SLC37A1: variants seen among roughly 807,000 people sequenced by gnomAD.
SLC37A1 encodes glucose-6-phosphate exchanger SLC37A1.
SLC37A1 carries 49 observed loss-of-function variants against 75.3 expected under a neutral mutation model. The ratio of observed to expected loss-of-function variants is 0.65; its 90% CI spans 0.52 to 0.83. SLC37A1 has a LOEUF of 0.83. Ranked by LOEUF, SLC37A1 falls within the 40% of genes least tolerant of loss-of-function variation. SLC37A1 has a pLI of 0.00. For synonymous variants in SLC37A1, 268 were observed against 292.1 expected (o/e 0.92, Z 0.84); for missense variants, 566 against 695.0 (o/e 0.81, Z 2.09).
In SLC37A1 at chr21:42,552,809, G is replaced by A. The variant is rs572384221; in HGVS notation, c.769-1253G>A. 2.0e-5 allele frequency among the ~76,000 whole-genome samples: 3 copies of A among 152,300 alleles called. No homozygotes were observed. Among genetic ancestry groups the A allele is most frequent in the Admixed American group, 2.0e-4 (3 of 15,298 alleles). ...CTGAAAAGCAGGAAGAAGAGGGCCC[G>A]GGTGATGCTGGCAGCCTCTGCTCAC... On this transcript the variant is annotated intron_variant, in intron 9 of 19. Transcript: ENST00000352133. The surrounding 1 kb of genome is among the most constrained non-coding windows in gnomAD (Gnocchi z 4.2).
chr21:42,571,552 G>C (rs1259867461), intron 17 of SLC37A1, among the ~76,000 whole-genome samples: 1 of 151,990 alleles, frequency 6.6e-6, no homozygotes, highest in Non-Finnish European at 1.5e-5. Flanking sequence ...TCTTTCTAGA[G>C]GCAGCCAATT....
chr21:42,568,635 G>A lies in SLC37A1; in HGVS notation c.1423+197G>A, dbSNP rs537129688. Reference sequence around the variant, plus strand: ...CATGCCTGGGTGGCTTCAGAGAGACGGGCGTGTGACTAGCTGTGCGTGTCC... The same window carrying A: ...CATGCCTGGGTGGCTTCAGAGAGACAGGCGTGTGACTAGCTGTGCGTGTCC... On this transcript the variant is annotated intron_variant, in intron 17 of 19. Coordinates refer to ENST00000352133, the MANE Select transcript of SLC37A1 (RefSeq NM_001320537.2). Among the ~76,000 whole-genome samples, 173 of 152,266 alleles carry A rather than the reference G, an allele frequency of 1.1e-3. 1 individual carries two copies. The highest frequency in any genetic ancestry group is 2.0e-3 in the Non-Finnish European group (134 of 68,010).
intron 6 of SLC37A1, among the ~76,000 whole-genome samples, chr21:42,541,481 C>G (rs2055281265): frequency 6.6e-6 from 1 of 152,178 alleles, no homozygotes; most frequent in Admixed American, 6.5e-5. Flanking sequence ...TAGAGCCACC[C>G]CCGAGTCTCA....
At chr21:42,541,413 G>T (rs1025382878) in intron 6 of SLC37A1, among the ~76,000 whole-genome samples, 6 of 152,112 alleles carry the variant, frequency 3.9e-5, no homozygotes, top group Non-Finnish European at 5.9e-5. Flanking sequence ...TAGAGAGCTG[G>T]CTTACTGCAG....
At position 42,543,516 on chromosome 21, in the gene SLC37A1, T is replaced by C. The variant is rs1441505555; in HGVS notation, c.644T>C (p.Val215Ala). 1 of 1,614,158 alleles carries C rather than the reference T, an allele frequency of 6.2e-7. No individual in the cohort carries two copies. Among genetic ancestry groups the C allele is most frequent in the Admixed American group, 1.7e-5 (1 of 60,022 alleles). The change falls in exon 8 of 20, where the codon GTG becomes GCG. Residue 215 changes from valine to alanine, a missense_variant. Transcript: ENST00000352133. Reference protein sequence around the residue: ...ILGSLIAGYWVSTCWGLSFVV... With the variant: ...ILGSLIAGYWASTCWGLSFVV... ...GGGTCATTGATCGCTGGCTACTGGG[T>C]GTCCACATGCTGGGGCCTGTCCTTC...
chr21:42,557,949 T>G lies in SLC37A1; in HGVS notation c.850-1009T>G, dbSNP rs2055733507. On this transcript the variant is annotated intron_variant, in intron 10 of 19. Transcript: ENST00000352133. ...GCTCACTCATGAAGAATATTTTTAT[T>G]TTATTTTCATTCTTTTTTGAGACAG... is the stretch of plus-strand genomic sequence containing the variant. Among the ~76,000 whole-genome samples, 3 of 152,194 alleles carry G rather than the reference T, an allele frequency of 2.0e-5. No individual in the cohort carries two copies. The South Asian group carries it at 6.2e-4, about 31-fold the overall frequency.
chr21:42,509,622 C>T (rs142301831), upstream of SLC37A1: 77 of 152,228 alleles, frequency 5.1e-4, no homozygotes, highest in Middle Eastern at 3.4e-3. This position sits in a 1 kb window ranked among gnomAD's most constrained non-coding sequence, Gnocchi z 4.2. Flanking sequence ...ATCCGTAGGC[C>T]GAGCACAATG....
chr21:42,580,688 G>A lies in SLC37A1; in HGVS notation c.*328G>A, dbSNP rs1473224180. 3 of 390,174 alleles carry A rather than the reference G, an allele frequency of 7.7e-6. No homozygotes were observed. Among genetic ancestry groups the A allele is most frequent in the Admixed American group, 4.3e-5 (1 of 23,402 alleles). The allele number at this position is 390,174 out of a possible 1,614,324, so 24.2% of individuals were successfully genotyped here. A position where few individuals can be genotyped will look rare whatever the true frequency, so the allele number is the denominator to read the frequency against. The stretch of plus-strand genomic sequence containing the variant: ...GACAACAAGGCCGGGAGGGTGGGGG[G>A]GGTGCACAGGTAGCCCCGACCCTCT... On this transcript the variant is annotated 3_prime_UTR_variant, in exon 20 of 20. Coordinates refer to ENST00000352133, the MANE Select transcript of SLC37A1 (RefSeq NM_001320537.2).
At chr21:42,502,324 T>C (rs1197561559) in exon 2 of SLC37A1, 1 of 152,194 alleles carries the variant, frequency 6.6e-6, no homozygotes, top group Non-Finnish European at 1.5e-5. Flanking sequence ...TTGCTGAGCC[T>C]AAATACATGT....
At chr21:42,551,667 T>A (rs1302346552) in intron 9 of SLC37A1, among the ~76,000 whole-genome samples, 1 of 152,224 alleles carries the variant, frequency 6.6e-6, no homozygotes, top group Non-Finnish European at 1.5e-5. Context: ...AGCTACTCAA[T>A]GGTCAGATCT....
At chr21:42,551,028 C>T (rs1195089948) in intron 9 of SLC37A1, among the ~76,000 whole-genome samples, 6 of 152,220 alleles carry the variant, frequency 3.9e-5, no homozygotes, top group Non-Finnish European at 8.8e-5. Context: ...AGGAGGCCTG[C>T]TCTTGCCGTT....
At chr21:42,558,917 G>A (rs373174328) in intron 10 of SLC37A1, 41 bp from the exon 11 acceptor site, 234 of 1,612,454 alleles carry the variant, frequency 1.5e-4, no homozygotes, top group Non-Finnish European at 1.9e-4. Context: ...TGCCCGGCTG[G>A]TAACACCTTT....
At chr21:42,549,020 A>G (rs1353691379) in intron 9 of SLC37A1, among the ~76,000 whole-genome samples, 1 of 152,264 alleles carries the variant, frequency 6.6e-6, no homozygotes, top group Non-Finnish European at 1.5e-5. Flanking sequence ...CAAACACCAT[A>G]TGATGTTCTT....
intron 7 of SLC37A1, 34 bp downstream of exon 7, chr21:42,542,514 T>G (rs1395855472): frequency 6.2e-7 from 1 of 1,603,750 alleles, no homozygotes; most frequent in Admixed American, 1.7e-5. Context: ...CAATAGCAGA[T>G]GAAAACTAGA....
At chr21:42,558,169 G>A (rs1007590523) in intron 10 of SLC37A1, among the ~76,000 whole-genome samples, 5 of 152,120 alleles carry the variant, frequency 3.3e-5, no homozygotes, top group Non-Finnish European at 5.9e-5. Flanking sequence ...TCCTTGCTCT[G>A]ACTTGAAATC....
intron 2 of SLC37A1, among the ~76,000 whole-genome samples, chr21:42,524,162 T>G (rs895851442): frequency 6.6e-6 from 1 of 152,144 alleles, no homozygotes; most frequent in African/African-American, 2.4e-5. Flanking sequence ...TGGCGCCATT[T>G]GAAGTCTCTT....
In SLC37A1 at chr21:42,554,118, G is replaced by A; in HGVS notation, c.825G>A (p.Leu275=). 6.2e-7 allele frequency: 1 copy of A among 1,613,654 alleles called. No individual in the cohort carries two copies. Among genetic ancestry groups the A allele is most frequent in the Middle Eastern group, 1.7e-4 (1 of 6,058 alleles). ...GATTGAGACTCCAGAAGCAAATCTT[G>A]AAGAGCGAAAAGAACAAGCCTCTGG... ...TNRLRLQKQI[L]KSEKNKPLDP... The change falls in exon 10 of 20, where the codon TTG becomes TTA. Residue 275 remains leucine, a synonymous_variant. Coordinates refer to ENST00000352133, the MANE Select transcript of SLC37A1 (RefSeq NM_001320537.2).
At chr21:42,573,305 C>T (rs915706854) in intron 17 of SLC37A1, among the ~76,000 whole-genome samples, 6 of 149,538 alleles carry the variant, frequency 4.0e-5, no homozygotes, top group Non-Finnish European at 8.9e-5. Flanking sequence ...TTGCTGACCC[C>T]CTTCCGTTCC....
At position 42,530,650 on chromosome 21, in the gene SLC37A1, A is replaced by AC. The variant is rs1460499515; in HGVS notation, c.139-4047dup. ...CACACACACACACACACACACACACACACACCCCCTCTGTGTTGGCTGAAG... is the reference window on the plus strand; with the variant it reads ...CACACACACACACACACACACACACACCACACCCCCTCTGTGTTGGCTGAAG... On this transcript the variant is annotated intron_variant, in intron 3 of 19. Transcript: ENST00000352133. Among the ~76,000 whole-genome samples, 116 of 25,604 alleles carry AC rather than the reference A, an allele frequency of 4.5e-3. 5 individuals carry two copies. The highest frequency in any genetic ancestry group is 8.0e-3 in the Non-Finnish European group (96 of 11,958). The allele number at this position is 25,604 out of a possible 152,430, so 16.8% of individuals were successfully genotyped here. A position where few individuals can be genotyped will look rare whatever the true frequency, so the allele number is the denominator to read the frequency against.
Sources: gnomAD v4.1 joint callset for allele counts (sites outside exome capture counted in the v4.1 genomes callset) on GRCh38, gnomAD v4.1.1 for gene constraint, Gnocchi (gnomAD v3.1) non-coding constraint, MANE v1.5 for transcripts, NCBI Gene and HGNC (gene_info 2026-07-23, HGNC 2026-07-21) for gene names.